Variants in NRXN3 observed in about 807,000 individuals in gnomAD.
NRXN3 encodes the protein neurexin 3, also known as neurexin III.
NRXN3 carries 32 observed loss-of-function variants against 137.6 expected under a neutral mutation model. The observed-to-expected ratio is 0.23, with a 90% CI of 0.18 to 0.31. The LOEUF (loss-of-function observed/expected upper bound fraction) is 0.31, where lower values mean the gene tolerates loss of function less well. NRXN3 is among the 10% of genes least tolerant of loss of function. NRXN3 has a pLI of 1.00. For missense variants in NRXN3, 1,574 were observed against 2,062.5 expected (o/e 0.76, Z 4.59); for synonymous variants, 798 against 784.5 (o/e 1.02, Z -0.29).
chr14:79,093,913 CT>C (rs2049722733), intron 15 of NRXN3, among the ~76,000 whole-genome samples: 3 of 150,884 alleles, frequency 2.0e-5, no homozygotes, highest in Middle Eastern at 3.4e-3. Context: ...TTTCTTTTTT[CT>C]TTTTTTCCCC....
intron 15 of NRXN3, among the ~76,000 whole-genome samples, chr14:79,357,871 C>A (rs1199674763): frequency 6.6e-6 from 1 of 152,094 alleles, no homozygotes; most frequent in Admixed American, 6.6e-5. Context: ...TGTTTATGTG[C>A]ATGTGATTTT....
intron 15 of NRXN3, among the ~76,000 whole-genome samples, chr14:79,394,112 A>G (rs149785842): frequency 4.1e-4 from 62 of 152,350 alleles, no homozygotes; most frequent in African/African-American, 1.5e-3. Context: ...TGGCATGTAG[A>G]GAAATATAAA....
intron 4 of NRXN3, among the ~76,000 whole-genome samples, chr14:78,507,825 C>A (rs1313450149): frequency 6.6e-6 from 1 of 152,126 alleles, no homozygotes; most frequent in Non-Finnish European, 1.5e-5. Flanking sequence ...CCTTGAGTTT[C>A]TCTGAGTTGT....
chr14:78,815,112 GTA>G (rs1567394757), intron 10 of NRXN3, among the ~76,000 whole-genome samples: 2 of 152,130 alleles, frequency 1.3e-5, no homozygotes. Context: ...GATTATTTAG[GTA>G]TATGTAACAG....
At chr14:79,246,017 T>G (rs2075122844) in intron 15 of NRXN3, among the ~76,000 whole-genome samples, 1 of 152,166 alleles carries the variant, frequency 6.6e-6, no homozygotes, top group African/African-American at 2.4e-5. Context: ...CTGAAAACAT[T>G]TCACAAAAAC....
At chr14:78,187,244 A>T in intron 1 of NRXN3, among the ~76,000 whole-genome samples, 1 of 146,912 alleles carries the variant, frequency 6.8e-6, no homozygotes, top group Non-Finnish European at 1.5e-5. Flanking sequence ...AATCTGAGAG[A>T]TGTTTTGGTG....
chr14:79,828,447 C>A (rs1354223030), intron 20 of NRXN3, among the ~76,000 whole-genome samples: 1 of 151,624 alleles, frequency 6.6e-6, no homozygotes, highest in East Asian at 2.0e-4. Context: ...TGGTGAAACC[C>A]CATCTCTGCT....
chr14:78,618,839 A>G (rs2097371083), intron 4 of NRXN3, among the ~76,000 whole-genome samples: 1 of 152,250 alleles, frequency 6.6e-6, no homozygotes, highest in Non-Finnish European at 1.5e-5. Flanking sequence ...CCAAAAAAGA[A>G]AAAAAGAAAT....
chr14:78,519,710 G>A (rs936344752), intron 4 of NRXN3, among the ~76,000 whole-genome samples: 1 of 150,762 alleles, frequency 6.6e-6, no homozygotes, highest in Non-Finnish European at 1.5e-5. Context: ...ATGATTGGGA[G>A]CATTCACAGA....
At chr14:79,183,878 A>G (rs905915553) in intron 15 of NRXN3, among the ~76,000 whole-genome samples, 8 of 152,328 alleles carry the variant, frequency 5.3e-5, no homozygotes, top group African/African-American at 1.9e-4. Flanking sequence ...GTGAATAGAT[A>G]TGGAATCCTC....
chr14:78,920,033 A>G (rs2099266823), intron 10 of NRXN3, among the ~76,000 whole-genome samples: 1 of 152,238 alleles, frequency 6.6e-6, no homozygotes, highest in Non-Finnish European at 1.5e-5. Context: ...AATTTTCTTT[A>G]TCAATTAGGA....
chr14:78,301,084 TG>T lies in NRXN3; in HGVS notation c.757+3229del, dbSNP rs560427626. Among the ~76,000 whole-genome samples, 1,049 of 151,886 alleles carry T rather than the reference TG, an allele frequency of 6.9e-3. 18 individuals are homozygous for T. Among genetic ancestry groups the T allele is most frequent in the African/African-American group, 0.024 (1,009 of 41,412 alleles). On this transcript the variant is annotated intron_variant, in intron 4 of 20. Coordinates refer to ENST00000335750, the MANE Select transcript of NRXN3 (RefSeq NM_001330195.2). ...TAACTGAATTTGGGGATAACATTGGTGGGGGAAGGATGATAGATGAGAAAGG... is the reference window on the plus strand; with the variant it reads ...TAACTGAATTTGGGGATAACATTGGTGGGGAAGGATGATAGATGAGAAAGG...
At chr14:79,079,211 C>T (rs1303641348) in intron 15 of NRXN3, among the ~76,000 whole-genome samples, 18 of 152,094 alleles carry the variant, frequency 1.2e-4, no homozygotes, top group Non-Finnish European at 1.0e-4. Context: ...ACCAGGCAAA[C>T]GTTACTAAAG....
At position 78,600,470 on chromosome 14, in the gene NRXN3, A is replaced by G. The variant is rs369548974; in HGVS notation, c.758-44650A>G. Among the ~76,000 whole-genome samples the G allele has an allele frequency of 1.7e-4, 26 of 152,292 alleles. No homozygotes were observed. The East Asian group carries it at 4.8e-3, about 28-fold the overall frequency. On this transcript the variant is annotated intron_variant, in intron 4 of 20. Coordinates refer to ENST00000335750, the MANE Select transcript of NRXN3 (RefSeq NM_001330195.2). Reference sequence around the variant, plus strand: ...TAATTACAGATTTGAGGAGTCATAAAACCACATCTCCCAAGAGGTAGATCT... The same window carrying G: ...TAATTACAGATTTGAGGAGTCATAAGACCACATCTCCCAAGAGGTAGATCT...
At chr14:79,813,804 C>T (rs1482473116) in intron 20 of NRXN3, among the ~76,000 whole-genome samples, 2 of 151,642 alleles carry the variant, frequency 1.3e-5, no homozygotes, top group Non-Finnish European at 2.9e-5. Flanking sequence ...CCCTTTATGA[C>T]AATGTAATTA....
At chr14:79,807,970 G>A (rs543896533) in intron 20 of NRXN3, among the ~76,000 whole-genome samples, 5 of 152,054 alleles carry the variant, frequency 3.3e-5, no homozygotes, top group Admixed American at 6.5e-5. Flanking sequence ...CACTAATGGG[G>A]ATTACCTGCT....
At chr14:79,522,348 G>A (rs1414709244) in intron 16 of NRXN3, among the ~76,000 whole-genome samples, 3 of 152,112 alleles carry the variant, frequency 2.0e-5, no homozygotes, top group Non-Finnish European at 2.9e-5. Flanking sequence ...TAAGAGGGGT[G>A]CACAGGGGTA....
At chr14:78,813,135 GA>G (rs1265235605) in intron 10 of NRXN3, among the ~76,000 whole-genome samples, 6 of 152,042 alleles carry the variant, frequency 3.9e-5, no homozygotes, top group African/African-American at 1.4e-4. Context: ...AAATCTTTAA[GA>G]AAAAAACATA....
intron 4 of NRXN3, among the ~76,000 whole-genome samples, chr14:78,625,009 T>G (rs1409449145): frequency 4.6e-5 from 7 of 152,030 alleles, no homozygotes; most frequent in African/African-American, 1.4e-4. Context: ...GCCCGGCTAA[T>G]TTTTGTATTT....
Sources: allele counts gnomAD v4.1 joint callset (sites outside exome capture counted in the v4.1 genomes callset), GRCh38; gene constraint gnomAD v4.1.1; transcripts MANE v1.5; gene names NCBI Gene and HGNC (gene_info 2026-07-23, HGNC 2026-07-21).